The following FAM227B variants were observed in gnomAD, a reference collection of about 807,000 sequenced individuals.
FAM227B encodes the protein family with sequence similarity 227 member B.
A neutral mutation model predicts 73.8 loss-of-function variants in FAM227B; 88 were observed. That is an observed-to-expected ratio of 1.19 (90% confidence interval 1.00 to 1.42). FAM227B has a LOEUF of 1.42. Among genes scored for constraint, FAM227B ranks in the 40% most tolerant of loss-of-function variants. FAM227B has a pLI of 0.00. For missense variants in FAM227B, 632 were observed against 590.9 expected, an observed-to-expected ratio of 1.07 and a Z score of -0.72; for synonymous variants, 210 against 190.5, an observed-to-expected ratio of 1.10 and a Z score of -0.84.
chr15:49,358,284 A>T (rs988072118), intron 13 of FAM227B, among the ~76,000 whole-genome samples: 1 of 136,408 alleles, frequency 7.3e-6, no homozygotes, highest in Non-Finnish European at 1.6e-5. Context: ...TTAGGAAAAG[A>T]GGAAGTCAAA....
chr15:49,486,778 T>C (rs2056433388), intron 11 of FAM227B: 2 of 151,878 alleles, frequency 1.3e-5, no homozygotes, highest in Non-Finnish European at 2.9e-5. Context: ...AAATATGTAC[T>C]TTAATTATTT....
chr15:49,464,932 C>A (rs2151943345), intron 11 of FAM227B, among the ~76,000 whole-genome samples: 1 of 152,244 alleles, frequency 6.6e-6, no homozygotes, highest in Non-Finnish European at 1.5e-5. Flanking sequence ...TTTTGGCTAT[C>A]ATCTAGAATA....
chr15:49,487,902 A>C (rs1176818355), intron 11 of FAM227B: 2 of 151,980 alleles, frequency 1.3e-5, no homozygotes, highest in African/African-American at 4.8e-5. Context: ...TTACATCCCT[A>C]CTCCACTGCC....
chr15:49,360,789 T>C (rs1293549000), intron 13 of FAM227B, among the ~76,000 whole-genome samples: 1 of 152,222 alleles, frequency 6.6e-6, no homozygotes, highest in East Asian at 1.9e-4. Context: ...TTAGTGTACA[T>C]TAACTAGTAA....
At chr15:49,565,759 A>G (rs2074604993) in intron 9 of FAM227B, among the ~76,000 whole-genome samples, 2 of 152,176 alleles carry the variant, frequency 1.3e-5, no homozygotes, top group South Asian at 4.1e-4. Context: ...GGTTAAGATT[A>G]AAGATCTTAA....
intron 13 of FAM227B, chr15:49,365,106 G>A: frequency 4.4e-6 from 3 of 682,110 alleles, no homozygotes; most frequent in Non-Finnish European, 8.0e-6. Flanking sequence ...ACACATTATA[G>A]CAGTTCCACA....
At chr15:49,371,845 T>C (rs2045840845) in intron 11 of FAM227B, among the ~76,000 whole-genome samples, 1 of 142,148 alleles carries the variant, frequency 7.0e-6, no homozygotes, top group African/African-American at 2.5e-5. Context: ...ATAAATGAAA[T>C]AAAATTCACT....
chr15:49,444,393 A>G (rs892564557), intron 11 of FAM227B, among the ~76,000 whole-genome samples: 8 of 151,768 alleles, frequency 5.3e-5, no homozygotes, highest in African/African-American at 1.9e-4. Context: ...ATTATGTTTT[A>G]TAGTATGAAA....
intron 11 of FAM227B, among the ~76,000 whole-genome samples, chr15:49,468,564 T>C (rs1351729416): frequency 6.6e-6 from 1 of 152,208 alleles, no homozygotes; most frequent in African/African-American, 2.4e-5. Context: ...TGTGTTTTTT[T>C]ACAATAGTGG....
At chr15:49,355,193 C>T (rs1370204725) in intron 13 of FAM227B, among the ~76,000 whole-genome samples, 2 of 152,130 alleles carry the variant, frequency 1.3e-5, no homozygotes, top group East Asian at 1.9e-4. Context: ...CTCTCCTCCT[C>T]CAAAGGAACG....
intron 10 of FAM227B, among the ~76,000 whole-genome samples, chr15:49,517,900 A>G (rs187294279): frequency 6.6e-6 from 1 of 152,234 alleles, no homozygotes; most frequent in Non-Finnish European, 1.5e-5. Flanking sequence ...ACTCACTTGT[A>G]TCTGGCTTTT....
chr15:49,539,255 T>A (rs571315235), intron 10 of FAM227B, among the ~76,000 whole-genome samples: 8 of 152,180 alleles, frequency 5.3e-5, no homozygotes, highest in African/African-American at 1.9e-4. Context: ...TAGTGGTGTC[T>A]GCAATGGCTG....
intron 11 of FAM227B, among the ~76,000 whole-genome samples, chr15:49,430,317 C>A (rs2050488948): frequency 6.6e-6 from 1 of 151,830 alleles, no homozygotes; most frequent in African/African-American, 2.4e-5. Context: ...ACTTGAAGTA[C>A]AGGCCTCAAT....
intron 11 of FAM227B, among the ~76,000 whole-genome samples, chr15:49,374,056 A>G (rs1329802011): frequency 6.6e-6 from 1 of 152,168 alleles, no homozygotes; most frequent in Non-Finnish European, 1.5e-5. Context: ...ATCATTTTCC[A>G]TGATTCCTGA....
rs750686080 is a variant in FAM227B, at chr15:49,334,091, A to G, written c.1349+1328T>C. The G allele has an allele frequency of 6.7e-4, 113 of 169,332 alleles. 2 individuals are homozygous for G. Among genetic ancestry groups the G allele is most frequent in the Non-Finnish European group, 1.4e-4 (12 of 83,516 alleles). 10.5% of individuals were successfully genotyped at this position (169,332 alleles called of 1,614,324 possible). ...TAGCAGAGTAGATGATTTTGTGATTAAAGAAAGTTAAAATGTTACTCCAGA... is the reference window on the plus strand; with the variant it reads ...TAGCAGAGTAGATGATTTTGTGATTGAAGAAAGTTAAAATGTTACTCCAGA... On this transcript the variant is annotated intron_variant, in intron 14 of 15. Coordinates refer to ENST00000299338, the MANE Select transcript of FAM227B (RefSeq NM_152647.3).
chr15:49,451,390 T>C (rs1439165396), intron 11 of FAM227B, among the ~76,000 whole-genome samples: 1 of 152,070 alleles, frequency 6.6e-6, no homozygotes, highest in Non-Finnish European at 1.5e-5. Flanking sequence ...TTGAATAGTA[T>C]ATATTTTTAA....
chr15:49,451,995 A>G (rs1327648743), intron 11 of FAM227B, among the ~76,000 whole-genome samples: 2 of 152,106 alleles, frequency 1.3e-5, no homozygotes, highest in Non-Finnish European at 2.9e-5. Flanking sequence ...TCAATATGAT[A>G]TCTTATATCA....
intron 3 of FAM227B, among the ~76,000 whole-genome samples, chr15:49,591,224 G>A (rs1333863051): frequency 6.6e-6 from 1 of 150,628 alleles, no homozygotes; most frequent in Non-Finnish European, 1.5e-5. Context: ...ACAGGCGCCC[G>A]CCACCATGCC....
intron 10 of FAM227B, among the ~76,000 whole-genome samples, chr15:49,510,321 T>C (rs1218339156): frequency 1.3e-5 from 2 of 152,144 alleles, no homozygotes; most frequent in African/African-American, 2.4e-5. Flanking sequence ...TTTTTGAATA[T>C]AGAGAATAAT....
Sources: gnomAD v4.1 joint callset for allele counts (sites outside exome capture counted in the v4.1 genomes callset) on GRCh38, gnomAD v4.1.1 for gene constraint, MANE v1.5 for transcripts, NCBI Gene and HGNC (gene_info 2026-07-23, HGNC 2026-07-21) for gene names.